The following CAMK1D variants were observed in gnomAD, a reference collection of about 807,000 sequenced individuals.
The protein encoded by CAMK1D is calcium/calmodulin-dependent protein kinase type 1D.
In CAMK1D, 9 loss-of-function variants were observed where a neutral mutation model predicts 47.7. That is an observed-to-expected ratio of 0.19 (90% CI 0.11 to 0.33). The LOEUF (loss-of-function observed/expected upper bound fraction) is 0.33, where lower values mean the gene tolerates loss of function less well. Ranked by LOEUF, CAMK1D falls within the 10% of genes least tolerant of loss-of-function variation. The pLI is 1.00. For synonymous variants in CAMK1D, 184 were observed against 184.9 expected (o/e 0.99, Z 0.04); for missense variants, 291 against 488.7 (o/e 0.60, Z 3.81).
chr10:12,522,605 A>G (rs1285646117), intron 1 of CAMK1D, among the ~76,000 whole-genome samples: 3 of 151,998 alleles, frequency 2.0e-5, no homozygotes, highest in African/African-American at 7.3e-5. Context: ...TTCTTTCCAC[A>G]CAGACACAGC....
intron 6 of CAMK1D, among the ~76,000 whole-genome samples, chr10:12,801,239 ATCCATCCATCCATCCATCCATCTGTCCG>A (rs1838418127): frequency 6.6e-6 from 1 of 151,478 alleles, no homozygotes; most frequent in Non-Finnish European, 1.5e-5. Context: ...CCATCCATCC[ATCCATCCATCCATCCATCCATCTGTCCG>A]TCCATCCATC....
At chr10:12,476,529 G>A (rs901702402) in intron 1 of CAMK1D, among the ~76,000 whole-genome samples, 3 of 152,052 alleles carry the variant, frequency 2.0e-5, no homozygotes, top group Admixed American at 1.3e-4. Context: ...TAAAGATACC[G>A]TATAATGAGT....
At position 12,790,718 on chromosome 10, in the gene CAMK1D, C is replaced by T. The variant is rs189854573; in HGVS notation, c.566-440C>T. Among the ~76,000 whole-genome samples the T allele has an allele frequency of 1.4e-3, 218 of 152,154 alleles. 2 individuals carry two copies. Among genetic ancestry groups the T allele is most frequent in the African/African-American group, 5.0e-3 (208 of 41,492 alleles). On this transcript the variant is annotated intron_variant, in intron 5 of 10. Coordinates refer to ENST00000619168, the MANE Select transcript of CAMK1D (RefSeq NM_153498.4). ...TCTAGTTAAAAATGCCTGTTGAGTGCAGTGACTCATACCTATAATCCCAGC... is the reference window on the plus strand; with the variant it reads ...TCTAGTTAAAAATGCCTGTTGAGTGTAGTGACTCATACCTATAATCCCAGC...
At chr10:12,560,112 C>T (rs2132287990) in intron 2 of CAMK1D, among the ~76,000 whole-genome samples, 1 of 152,282 alleles carries the variant, frequency 6.6e-6, no homozygotes, top group East Asian at 1.9e-4. Context: ...CAGAGAAAGG[C>T]TTTGACGTCG....
In CAMK1D at chr10:12,534,148, ATCTATCTATCTATCTATCTG is replaced by A. The variant is rs1428570915; in HGVS notation, c.93-19041_93-19022del. 1.5e-3 allele frequency among the ~76,000 whole-genome samples: 225 copies of A among 151,516 alleles called. 1 individual carries two copies. Among genetic ancestry groups the A allele is most frequent in the African/African-American group, 4.5e-3 (185 of 41,354 alleles). On this transcript the variant is annotated intron_variant, in intron 1 of 10. Transcript: ENST00000619168. ...GCTCTTGTAACAAACAAACCTCCAC[ATCTATCTATCTATCTATCTG>A]TCTATCTATCTATCTATCTGTCTAT...
At chr10:12,592,455 GT>G (rs1383301952) in intron 2 of CAMK1D, among the ~76,000 whole-genome samples, 1 of 152,180 alleles carries the variant, frequency 6.6e-6, no homozygotes, top group Non-Finnish European at 1.5e-5. Flanking sequence ...TTTAGAGACT[GT>G]TTTATGTGTC....
chr10:12,646,983 AG>A (rs142280471), intron 2 of CAMK1D, among the ~76,000 whole-genome samples: 18,941 of 151,200 alleles, frequency 0.13, 1,476 homozygotes, highest in African/African-American at 0.22. Context: ...CTGGGATTAT[AG>A]GGCATGTGCC....
chr10:12,710,250 G>A (rs997807894), intron 3 of CAMK1D, among the ~76,000 whole-genome samples: 6 of 152,088 alleles, frequency 3.9e-5, no homozygotes, highest in Non-Finnish European at 8.8e-5. Context: ...CTGTAAATGG[G>A]CACAACAGCT....
chr10:12,421,930 C>T (rs1416003084), intron 1 of CAMK1D, among the ~76,000 whole-genome samples: 1 of 152,006 alleles, frequency 6.6e-6, no homozygotes, highest in Admixed American at 6.6e-5. Flanking sequence ...GATTATCCCG[C>T]CTCAGCCTCC....
intron 3 of CAMK1D, among the ~76,000 whole-genome samples, chr10:12,724,032 AGGC>A (rs1834510117): frequency 6.6e-6 from 1 of 152,168 alleles, no homozygotes; most frequent in African/African-American, 2.4e-5. Context: ...TCTGTCGCAC[AGGC>A]TGGAGTGCAG....
rs765364710 is a variant in CAMK1D at position 12,564,119 on chromosome 10, GTCTCTC to G, written c.224+10785_224+10790del. On this transcript the variant is annotated intron_variant, in intron 2 of 10. Transcript: ENST00000619168. Reference sequence around the variant, plus strand: ...GATAGATAGATCTGTCTGTCTAGATGTCTCTCTCTCTCTCTCTCTCTCTCTCTGTCT... The same window carrying G: ...GATAGATAGATCTGTCTGTCTAGATGTCTCTCTCTCTCTCTCTCTCTGTCT... Among the ~76,000 whole-genome samples, 238 of 126,724 alleles carry G rather than the reference GTCTCTC, an allele frequency of 1.9e-3. No individual in the cohort carries two copies. The East Asian group carries it at 0.02, about 10-fold the overall frequency. The allele number at this position is 126,724 out of a possible 152,430, so 83.1% of individuals were successfully genotyped here. A position where few individuals can be genotyped will look rare whatever the true frequency, so the allele number is the denominator to read the frequency against.
At chr10:12,778,955 G>A (rs937402029) in intron 5 of CAMK1D, among the ~76,000 whole-genome samples, 1 of 152,220 alleles carries the variant, frequency 6.6e-6, no homozygotes, top group African/African-American at 2.4e-5. Context: ...TTTGGAGGAA[G>A]GGTAGGACTT....
chr10:12,613,133 A>G (rs1410808092), intron 2 of CAMK1D, among the ~76,000 whole-genome samples: 1 of 152,216 alleles, frequency 6.6e-6, no homozygotes, highest in African/African-American at 2.4e-5. Context: ...AACTCAATTT[A>G]TAGCATCCTT....
intron 1 of CAMK1D, among the ~76,000 whole-genome samples, chr10:12,447,086 C>T (rs941545835): frequency 1.3e-5 from 2 of 152,062 alleles, no homozygotes; most frequent in African/African-American, 4.8e-5. Flanking sequence ...TAAGTTTTTT[C>T]CACTGTGTCT....
At chr10:12,679,488 T>C (rs950403571) in intron 3 of CAMK1D, among the ~76,000 whole-genome samples, 19 of 152,300 alleles carry the variant, frequency 1.2e-4, no homozygotes, top group African/African-American at 4.3e-4. Flanking sequence ...TTGGGGCTTA[T>C]AAAAAGAGCA....
intron 1 of CAMK1D, among the ~76,000 whole-genome samples, chr10:12,482,550 G>A (rs867854050): frequency 2.6e-5 from 4 of 152,184 alleles, no homozygotes; most frequent in Admixed American, 6.5e-5. Context: ...GCCAGATTCA[G>A]AGGAATAGCA....
rs75724674 is a variant in CAMK1D at position 12,525,361 on chromosome 10, C to T, written c.93-27864C>T. 7.4e-3 allele frequency among the ~76,000 whole-genome samples: 1,130 copies of T among 152,214 alleles called. 31 individuals carry two copies. The highest frequency in any genetic ancestry group is 0.046 in the East Asian group (238 of 5,182). On this transcript the variant is annotated intron_variant, in intron 1 of 10. Transcript: ENST00000619168. Reference sequence around the variant, plus strand: ...TCTTTCTTCACTCATTGTTTGACTGCAGTGACATGAATATTAGATCTTTTG... The same window carrying T: ...TCTTTCTTCACTCATTGTTTGACTGTAGTGACATGAATATTAGATCTTTTG...
chr10:12,603,156 C>T (rs1431869340), intron 2 of CAMK1D, among the ~76,000 whole-genome samples: 1 of 152,054 alleles, frequency 6.6e-6, no homozygotes, highest in African/African-American at 2.4e-5. Flanking sequence ...GATGATCCAC[C>T]TCCCAAAGTG....
intron 4 of CAMK1D, among the ~76,000 whole-genome samples, chr10:12,766,326 G>A (rs973260668): frequency 6.8e-6 from 1 of 147,834 alleles, no homozygotes; most frequent in Non-Finnish European, 1.5e-5. Flanking sequence ...GATGCAGATG[G>A]GTTCTCTGCC....
Sources: gnomAD v4.1 joint callset for allele counts (sites outside exome capture counted in the v4.1 genomes callset) on GRCh38, gnomAD v4.1.1 for gene constraint, MANE v1.5 for transcripts, NCBI Gene and HGNC (gene_info 2026-07-23, HGNC 2026-07-21) for gene names.